Variants in HPSE2 observed in about 807,000 individuals in gnomAD.
HPSE2 encodes heparanase 2 (inactive).
HPSE2 carries 38 observed loss-of-function variants against 60.5 expected under a neutral mutation model. That is an observed-to-expected ratio of 0.63 (90% CI 0.48 to 0.82). HPSE2 has a LOEUF of 0.82. HPSE2 is among the 40% of genes least tolerant of loss of function. The pLI, the probability that HPSE2 is intolerant of heterozygous loss-of-function variation, is 0.00. For missense variants in HPSE2, 713 were observed against 740.4 expected (o/e 0.96, Z 0.43); for synonymous variants, 295 against 293.2 (o/e 1.01, Z -0.06).
chr10:99,115,575 G>A (rs1413197019), intron 3 of HPSE2, among the ~76,000 whole-genome samples: 1 of 152,090 alleles, frequency 6.6e-6, no homozygotes, highest in Admixed American at 6.5e-5. Flanking sequence ...GATTACAGGA[G>A]TGAGCCACTA....
chr10:98,526,998 G>A lies in HPSE2; in HGVS notation c.1321-36802C>T, dbSNP rs80308510. The stretch of plus-strand genomic sequence containing the variant: ...TTTGTGCAGTATTGATGTGATTTAG[G>A]ATAATACTATCCCGGGTGTGCATAA... On this transcript the variant is annotated intron_variant, in intron 9 of 11. Coordinates refer to ENST00000370552, the MANE Select transcript of HPSE2 (RefSeq NM_021828.5). 5.0e-3 allele frequency among the ~76,000 whole-genome samples: 764 copies of A among 152,218 alleles called. 8 individuals carry two copies. Among genetic ancestry groups the A allele is most frequent in the African/African-American group, 0.017 (717 of 41,530 alleles).
At chr10:98,800,946 C>T (rs1950892793) in intron 3 of HPSE2, among the ~76,000 whole-genome samples, 1 of 152,150 alleles carries the variant, frequency 6.6e-6, no homozygotes, top group Non-Finnish European at 1.5e-5. Context: ...AGGCCAATAT[C>T]TCTGATGATT....
chr10:98,659,860 G>T (rs10883154), intron 6 of HPSE2, among the ~76,000 whole-genome samples: 96,838 of 152,004 alleles, frequency 0.64, 33,672 homozygotes, highest in South Asian at 0.8. Context: ...CAGGACAATG[G>T]GTTCACTTAG....
At chr10:98,778,378 C>T (rs861399) in intron 3 of HPSE2, among the ~76,000 whole-genome samples, 129,256 of 151,434 alleles carry the variant, frequency 0.85, 55,509 homozygotes, top group African/African-American at 0.93. Flanking sequence ...GAAGCTCTAA[C>T]TGGTGGGTTT....
At chr10:98,721,293 C>T (rs969048513) in intron 5 of HPSE2, among the ~76,000 whole-genome samples, 1 of 152,112 alleles carries the variant, frequency 6.6e-6, no homozygotes, top group African/African-American at 2.4e-5. Flanking sequence ...TGTAAAGCTT[C>T]ACTTTCTACA....
chr10:98,890,283 C>T (rs1953297009), intron 3 of HPSE2, among the ~76,000 whole-genome samples: 1 of 151,878 alleles, frequency 6.6e-6, no homozygotes, highest in South Asian at 2.1e-4. Flanking sequence ...TTTGTGGTAT[C>T]ATTGATTGTA....
intron 6 of HPSE2, among the ~76,000 whole-genome samples, chr10:98,647,385 AC>A (rs1267668228): frequency 1.3e-5 from 2 of 152,038 alleles, no homozygotes; most frequent in East Asian, 3.9e-4. Flanking sequence ...TTATTATCTG[AC>A]CCCTTCTTTT....
At chr10:99,038,105 A>T (rs1294353582) in intron 3 of HPSE2, among the ~76,000 whole-genome samples, 1 of 152,138 alleles carries the variant, frequency 6.6e-6, no homozygotes, top group Non-Finnish European at 1.5e-5. Context: ...CACTTTGGAA[A>T]ATAGTTTGGC....
intron 9 of HPSE2, among the ~76,000 whole-genome samples, chr10:98,520,700 AGTGTATT>A (rs1037312791): frequency 4.2e-4 from 64 of 152,344 alleles, no homozygotes; most frequent in African/African-American, 1.4e-3. Context: ...CAACTTCCAA[AGTGTATT>A]GTTGTACCTT....
intron 3 of HPSE2, among the ~76,000 whole-genome samples, chr10:99,090,528 A>G (rs1843476646): frequency 6.6e-6 from 1 of 152,156 alleles, no homozygotes; most frequent in Non-Finnish European, 1.5e-5. Context: ...TTAAGAATCA[A>G]TAAGTGCTAA....
At chr10:98,496,192 T>C (rs954948701) in intron 9 of HPSE2, among the ~76,000 whole-genome samples, 2 of 152,182 alleles carry the variant, frequency 1.3e-5, no homozygotes, top group Non-Finnish European at 2.9e-5. Context: ...TGGGTATGCG[T>C]ACTTTCTACT....
chr10:99,199,287 G>GATAGT (rs1183835509), intron 2 of HPSE2, among the ~76,000 whole-genome samples: 1 of 151,990 alleles, frequency 6.6e-6, no homozygotes, highest in African/African-American at 2.4e-5. Context: ...CATTTCCATT[G>GATAGT]ATAGTATAAA....
chr10:98,793,207 G>A (rs1255793172), intron 3 of HPSE2, among the ~76,000 whole-genome samples: 1 of 152,162 alleles, frequency 6.6e-6, no homozygotes, highest in Non-Finnish European at 1.5e-5. Context: ...TTCTCCCTAA[G>A]CCTTATGCAT....
At chr10:99,118,262 G>A (rs935210332) in intron 3 of HPSE2, among the ~76,000 whole-genome samples, 4 of 152,162 alleles carry the variant, frequency 2.6e-5, no homozygotes, top group South Asian at 2.1e-4. Flanking sequence ...GGTAGCTCAC[G>A]TCTATAATCC....
At chr10:98,968,508 G>A (rs939456161) in intron 3 of HPSE2, among the ~76,000 whole-genome samples, 19 of 152,048 alleles carry the variant, frequency 1.2e-4, no homozygotes, top group Admixed American at 2.6e-4. Context: ...GGGTATTTAC[G>A]CAAAGAAAAA....
At chr10:99,201,319 C>T (rs1848569611) in intron 2 of HPSE2, among the ~76,000 whole-genome samples, 1 of 152,062 alleles carries the variant, frequency 6.6e-6, no homozygotes, top group Non-Finnish European at 1.5e-5. Context: ...TGTAATCATG[C>T]TCATCTCACT....
chr10:98,823,532 G>T (rs539457696), intron 3 of HPSE2, among the ~76,000 whole-genome samples: 7 of 152,130 alleles, frequency 4.6e-5, no homozygotes, highest in Non-Finnish European at 8.8e-5. Flanking sequence ...AGGCTGAGGT[G>T]AGAGGATTGC....
the HPSE2 span, among the ~76,000 whole-genome samples, chr10:99,296,633 T>C: frequency 0.86 from 130,143 of 152,204 alleles, 55,993 homozygotes; most frequent in African/African-American, 0.92. Flanking sequence ...GAATTCTCTC[T>C]TGGGCAAAGC....
chr10:99,013,618 C>A (rs534084684), intron 3 of HPSE2, among the ~76,000 whole-genome samples: 1 of 151,960 alleles, frequency 6.6e-6, no homozygotes, highest in East Asian at 1.9e-4. Flanking sequence ...ATTACAGGTG[C>A]GTGCCACCAT....
Sources: gnomAD v4.1 joint callset for allele counts (sites outside exome capture counted in the v4.1 genomes callset) on GRCh38, gnomAD v4.1.1 for gene constraint, MANE v1.5 for transcripts, NCBI Gene and HGNC (gene_info 2026-07-23, HGNC 2026-07-21) for gene names.